INTS8: variants seen among roughly 807,000 people sequenced by gnomAD.
INTS8 encodes the protein protein kaonashi-1.
INTS8 carries 47 observed loss-of-function variants against 138.9 expected under a neutral mutation model. That is an observed-to-expected ratio of 0.34 (90% CI 0.27 to 0.43). The LOEUF (loss-of-function observed/expected upper bound fraction) is 0.43, where lower values mean the gene tolerates loss of function less well. Among genes scored for constraint, INTS8 ranks in the 20% least tolerant of loss-of-function variants. INTS8 has a pLI of 1.00. For synonymous variants in INTS8, 392 were observed against 400.9 expected (o/e 0.98, Z 0.27); for missense variants, 996 against 1,173.0 (o/e 0.85, Z 2.20).
chr8:94,827,570 C>A, intron 3 of INTS8, 152 bp from the exon 4 acceptor site: 1 of 994,556 alleles, frequency 1.0e-6, no homozygotes, highest in Non-Finnish European at 1.5e-6. Context: ...AGATGAAAAG[C>A]AATCTGATAA....
chr8:94,824,019 G>A (rs1814386450), intron 1 of INTS8, among the ~76,000 whole-genome samples: 1 of 152,120 alleles, frequency 6.6e-6, no homozygotes, highest in Non-Finnish European at 1.5e-5. Context: ...CTTCAGTGAG[G>A]GAATTTTATT....
chr8:94,877,309 CTATT>C (rs1210225500), intron 26 of INTS8, among the ~76,000 whole-genome samples: 4 of 152,106 alleles, frequency 2.6e-5, no homozygotes, highest in Non-Finnish European at 4.4e-5. Flanking sequence ...TAAAAAAATG[CTATT>C]TATTAAGGGT....
intron 20 of INTS8, chr8:94,867,677 C>G (rs1816233684): frequency 5.6e-6 from 1 of 178,490 alleles, no homozygotes. Context: ...GCACCCACCA[C>G]CACGCCTGGC....
chr8:94,862,938 A>C (rs1028472437), intron 16 of INTS8, among the ~76,000 whole-genome samples: 1 of 152,150 alleles, frequency 6.6e-6, no homozygotes, highest in African/African-American at 2.4e-5. Flanking sequence ...AAATTTGGTG[A>C]TTTTAATGTT....
intron 5 of INTS8, 115 bp downstream of exon 5, chr8:94,829,141 G>T: frequency 1.4e-6 from 1 of 740,398 alleles, no homozygotes; most frequent in Non-Finnish European, 2.3e-6. Flanking sequence ...CAGGAAACTG[G>T]ATGTGGTGTG....
In INTS8 at chr8:94,859,542, A is replaced by G. The variant is rs1217466567; in HGVS notation, c.1986A>G (p.Glu662=). The G allele has an allele frequency of 2.5e-6, 4 of 1,613,056 alleles. No homozygotes were observed. Among genetic ancestry groups the G allele is most frequent in the African/African-American group, 1.3e-5 (1 of 74,894 alleles). The change falls in exon 16 of 27, where the codon GAA becomes GAG. Residue 662 remains glutamate (E), a synonymous_variant. Coordinates refer to ENST00000523731, the MANE Select transcript of INTS8 (RefSeq NM_017864.4). Reference sequence around the variant, plus strand: ...CTCTTCGTCAAGTTATAGCTGAGGAATGTGTTGCCTTTATGTTAAACTGGA... The same window carrying G: ...CTCTTCGTCAAGTTATAGCTGAGGAGTGTGTTGCCTTTATGTTAAACTGGA... ...DIPLRQVIAE[E]CVAFMLNWRE...
At chr8:94,849,265 G>A (rs1055775521) in intron 10 of INTS8, among the ~76,000 whole-genome samples, 197 bp from the exon 11 acceptor site, 13 of 152,074 alleles carry the variant, frequency 8.5e-5, no homozygotes, top group African/African-American at 2.4e-4. Flanking sequence ...TTATTAAAAT[G>A]GTCACATTCC....
chr8:94,869,568 C>T (rs1816313161), intron 20 of INTS8, among the ~76,000 whole-genome samples: 1 of 152,132 alleles, frequency 6.6e-6, no homozygotes, highest in Non-Finnish European at 1.5e-5. Context: ...TCTCAGCTCA[C>T]TGCAACCTCC....
rs1446911435 is a variant in INTS8, at chr8:94,865,564, G to A, written c.2135G>A (p.Arg712Gln). The change falls in exon 17 of 27, where the codon CGG becomes CAG. Residue 712 changes from arginine (R) to glutamine (Q), a missense_variant. Physicochemically the swap from Arg to Gln is conservative, Grantham distance 43 (BLOSUM62 1). Coordinates refer to ENST00000523731, the MANE Select transcript of INTS8 (RefSeq NM_017864.4). ...KELPGPKESR[R>Q]TAKDLWEVVV... Reference sequence around the variant, plus strand: ...CTTCCAGGCCCTAAAGAAAGTAGACGGACTGCCAAAGACCTTTGGGAAGTT... The same window carrying A: ...CTTCCAGGCCCTAAAGAAAGTAGACAGACTGCCAAAGACCTTTGGGAAGTT... 6 of 1,613,944 alleles carry A rather than the reference G, an allele frequency of 3.7e-6. No individual in the cohort carries two copies. The highest frequency in any genetic ancestry group is 1.1e-5 in the South Asian group (1 of 91,082).
Position 94,856,933 on chromosome 8 carries a change from G to A in INTS8, c.1909G>A (p.Asp637Asn), listed in dbSNP as rs1172336956. The A allele has an allele frequency of 1.2e-5, 19 of 1,613,986 alleles. No individual in the cohort carries two copies. Among genetic ancestry groups the A allele is most frequent in the East Asian group, 2.2e-5 (1 of 44,896 alleles). ...GCAGGCAGGAGAGAGACCGCCATCC[G>A]ACCTTATAAGTAGAGTACGAGGCTA... ...TGQAGERPPS[D>N]LISRVRGYLE... is the part of the protein sequence containing the mutation. The change falls in exon 15 of 27, where the codon GAC becomes AAC. Residue 637 changes from aspartate (D) to asparagine (N), a missense_variant. Coordinates refer to ENST00000523731, the MANE Select transcript of INTS8 (RefSeq NM_017864.4).
In INTS8 at chr8:94,859,491, T is replaced by G. The variant is rs1422194518; in HGVS notation, c.1955-20T>G. 1 of 1,609,272 alleles carries G rather than the reference T, an allele frequency of 6.2e-7. No individual in the cohort carries two copies. Among genetic ancestry groups the G allele is most frequent in the African/African-American group, 1.3e-5 (1 of 74,772 alleles). On this transcript the variant is annotated intron_variant, in intron 15 of 26. Transcript: ENST00000523731. ...AATGTTGTGATGGTAATTCCAACTG[T>G]TTTCTTCTTTGCTTTTTAGATATTC...
intron 26 of INTS8, among the ~76,000 whole-genome samples, chr8:94,879,595 C>CA (rs797007899): frequency 0.014 from 1,678 of 116,992 alleles, 35 homozygotes; most frequent in African/African-American, 0.051. Flanking sequence ...AGCTCCATCT[C>CA]AAAAAAAACA....
At chr8:94,874,188 A>T (rs1420451628) in intron 22 of INTS8, among the ~76,000 whole-genome samples, 2 of 151,472 alleles carry the variant, frequency 1.3e-5, no homozygotes, top group Non-Finnish European at 2.9e-5. Context: ...AATTTGTGCC[A>T]TTTGACCTAC....
chr8:94,848,640 TACTTC>T (rs2131027852), intron 10 of INTS8, among the ~76,000 whole-genome samples: 1 of 152,298 alleles, frequency 6.6e-6, no homozygotes, highest in African/African-American at 2.4e-5. Flanking sequence ...CATGTATCAG[TACTTC>T]ACTTTTTATG....
At chr8:94,857,540 C>T (rs537189276) in intron 15 of INTS8, among the ~76,000 whole-genome samples, 2 of 152,280 alleles carry the variant, frequency 1.3e-5, no homozygotes, top group African/African-American at 4.8e-5. Flanking sequence ...TATTATCTCC[C>T]AGTTCTGGAG....
chr8:94,838,889 CTT>C (rs1238928093), intron 8 of INTS8, among the ~76,000 whole-genome samples: 2 of 152,174 alleles, frequency 1.3e-5, no homozygotes, highest in Non-Finnish European at 2.9e-5. Context: ...GTTGGTCTAT[CTT>C]AAATAAATTT....
Position 94,852,520 on chromosome 8 carries a change from C to T in INTS8, c.1641+834C>T, listed in dbSNP as rs545732820. 7.2e-5 allele frequency among the ~76,000 whole-genome samples: 11 copies of T among 151,780 alleles called. No homozygotes were observed. In the South Asian group the frequency reaches 1.9e-3, roughly 26 times the overall value. On this transcript the variant is annotated intron_variant, in intron 13 of 26. Transcript: ENST00000523731. The stretch of plus-strand genomic sequence containing the variant: ...GAGAAATTAAAGCAATATGGTAATG[C>T]TCGTAACTAACTACATACTTACTCC...
chr8:94,827,656 C>T, intron 3 of INTS8, 66 bp from the exon 4 acceptor site: 1 of 1,355,100 alleles, frequency 7.4e-7, no homozygotes, highest in Admixed American at 1.7e-5. Context: ...CTAAGGAGTA[C>T]TTGAAAAAAT....
At chr8:94,857,071 CTTTT>C (rs376956021) in intron 15 of INTS8, 93 bp downstream of exon 15, 1,362 of 542,592 alleles carry the variant, frequency 2.5e-3, no homozygotes, top group East Asian at 3.6e-3. Flanking sequence ...AGTTTGTAAT[CTTTT>C]TTTTTTTTTT....
Sources: allele counts gnomAD v4.1 joint callset (sites outside exome capture counted in the v4.1 genomes callset), GRCh38; gene constraint gnomAD v4.1.1; transcripts MANE v1.5; gene names NCBI Gene and HGNC (gene_info 2026-07-23, HGNC 2026-07-21).